MMP20: variants seen among roughly 807,000 people sequenced by gnomAD.
The protein encoded by MMP20 is matrix metallopeptidase 20.
Under a neutral mutation model 51.8 loss-of-function variants are expected in MMP20, and 50 were observed. That is an observed-to-expected ratio of 0.97 (90% CI 0.77 to 1.22). The LOEUF is 1.22. Ranked by LOEUF, MMP20 falls within the 50% of genes most tolerant of loss-of-function variation. The probability of loss-of-function intolerance (pLI) is 0.00; values close to 1 mark genes in which losing one functional copy is unlikely to be tolerated. For synonymous variants in MMP20, 244 were observed against 216.2 expected (o/e 1.13, Z -1.13); for missense variants, 663 against 601.4 (o/e 1.10, Z -1.07).
Position 102,594,589 on chromosome 11 carries a change from C to T in MMP20, c.1090+32G>A, listed in dbSNP as rs372904673. 45 of 1,612,364 alleles carry T rather than the reference C, an allele frequency of 2.8e-5. No individual in the cohort carries two copies. The African/African-American group carries it at 4.8e-4, about 17-fold the overall frequency. ...AAATGAATGGGGCACTGCAGCCCTG[C>T]CATTTCTTTCTTTGAGGGATCTGTA... On this transcript the variant is annotated intron_variant, in intron 7 of 9. Transcript: ENST00000260228.
At chr11:102,619,375 G>GAT (rs2135948200) in intron 1 of MMP20, among the ~76,000 whole-genome samples, 1 of 152,220 alleles carries the variant, frequency 6.6e-6, no homozygotes, top group South Asian at 2.1e-4. Flanking sequence ...TATAAGGGAA[G>GAT]ATGCTCATGA....
chr11:102,584,527 C>T (rs954854118), intron 8 of MMP20, among the ~76,000 whole-genome samples: 4 of 152,098 alleles, frequency 2.6e-5, no homozygotes, highest in Non-Finnish European at 5.9e-5. Context: ...GACACAAGTT[C>T]TTTATCAGAT....
Position 102,593,510 on chromosome 11 carries a change from C to T in MMP20, c.1176G>A (p.Gln392=), listed in dbSNP as rs752051781. 1 of 1,614,166 alleles carries T rather than the reference C, an allele frequency of 6.2e-7. No homozygotes were observed. The highest frequency in any genetic ancestry group is 1.1e-5 in the South Asian group (1 of 91,086). The change falls in exon 8 of 10, where the codon CAG becomes CAA. Residue 392 remains glutamine (Q), a synonymous_variant. Transcript: ENST00000260228. ...TGAGGTAGACAGCAGCATCTATTTG[C>T]TGCACGTGCCTTGGAAATCCAAAGT... ...IYDFGFPRHV[Q]QIDAAVYLRE...
At chr11:102,587,752 G>A (rs937113648) in intron 8 of MMP20, among the ~76,000 whole-genome samples, 3 of 152,036 alleles carry the variant, frequency 2.0e-5, no homozygotes, top group Admixed American at 6.5e-5. Flanking sequence ...CCTGATAATA[G>A]TATAGCCATT....
intron 3 of MMP20, among the ~76,000 whole-genome samples, chr11:102,610,435 A>C (rs1859583609): frequency 6.6e-6 from 1 of 152,194 alleles, no homozygotes; most frequent in African/African-American, 2.4e-5. Flanking sequence ...ACCTGTTAGC[A>C]GAATGACCTT....
intron 2 of MMP20, among the ~76,000 whole-genome samples, chr11:102,616,365 A>AG (rs1242621313): frequency 6.6e-6 from 1 of 152,206 alleles, no homozygotes; most frequent in Non-Finnish European, 1.5e-5. Context: ...CCCTAAGGTC[A>AG]AGAAAGTTGA....
intron 2 of MMP20, among the ~76,000 whole-genome samples, chr11:102,612,933 C>T (rs1859621890): frequency 6.6e-6 from 1 of 152,014 alleles, no homozygotes; most frequent in African/African-American, 2.4e-5. Context: ...GACGGGGTTT[C>T]ACCATGTTGG....
At chr11:102,619,750 A>G (rs1008218791) in intron 1 of MMP20, among the ~76,000 whole-genome samples, 2 of 151,818 alleles carry the variant, frequency 1.3e-5, no homozygotes, top group South Asian at 2.1e-4. Context: ...ATTTAAGATG[A>G]TGTATTTTTA....
intron 1 of MMP20, among the ~76,000 whole-genome samples, chr11:102,623,050 A>G (rs1410573758): frequency 6.6e-6 from 1 of 152,174 alleles, no homozygotes; most frequent in Non-Finnish European, 1.5e-5. Flanking sequence ...AGATGTGGAC[A>G]AGTTTCCCTG....
At chr11:102,615,759 C>T (rs116332803) in intron 2 of MMP20, among the ~76,000 whole-genome samples, 2,840 of 152,204 alleles carry the variant, frequency 0.019, 85 homozygotes, top group African/African-American at 0.063. Flanking sequence ...CCACTCTCTG[C>T]TGCTATATGC....
intron 6 of MMP20, among the ~76,000 whole-genome samples, chr11:102,601,502 A>G (rs1859446273): frequency 6.6e-6 from 1 of 151,844 alleles, no homozygotes; most frequent in South Asian, 2.1e-4. Context: ...CTTTTCTTCT[A>G]TTTCCTAGGC....
rs76853724 is a variant in MMP20 at position 102,617,113 on chromosome 11, T to C, written c.127-54A>G. 2,913 of 1,609,678 alleles carry C rather than the reference T, an allele frequency of 1.8e-3. 49 individuals are homozygous for C. The African/African-American group carries it at 0.035, about 19-fold the overall frequency. On this transcript the variant is annotated intron_variant, in intron 1 of 9. Transcript: ENST00000260228. ...TACAGCGTAGTCTGGGAAATACTCA[T>C]GCTCAGGTAAGGCAGGGGACAGCAT...
intron 6 of MMP20, among the ~76,000 whole-genome samples, chr11:102,605,036 C>T (rs1859496526): frequency 6.6e-6 from 1 of 152,300 alleles, no homozygotes; most frequent in South Asian, 2.1e-4. Context: ...GTATTACCTT[C>T]AAGAAGTAAT....
intron 7 of MMP20, 54 bp downstream of exon 7, chr11:102,594,567 T>C (rs988508060): frequency 5.6e-6 from 9 of 1,607,828 alleles, no homozygotes; most frequent in Middle Eastern, 2.0e-4. Context: ...ATATGCCAAA[T>C]GAATGGGGCA....
Position 102,608,929 on chromosome 11 carries a change from A to G in MMP20, c.811+8T>C, listed in dbSNP as rs373286152. Reference sequence around the variant, plus strand: ...AGGGTGAGTCATCAAAGAAGGTAATAATCTTACCGTATAATGCCTGGATCC... The same window carrying G: ...AGGGTGAGTCATCAAAGAAGGTAATGATCTTACCGTATAATGCCTGGATCC... On this transcript the variant is annotated splice_region_variant and intron_variant, in intron 5 of 9. Coordinates refer to ENST00000260228, the MANE Select transcript of MMP20 (RefSeq NM_004771.4). 1 of 1,613,774 alleles carries G rather than the reference A, an allele frequency of 6.2e-7. No homozygotes were observed. Among genetic ancestry groups the G allele is most frequent in the African/African-American group, 1.3e-5 (1 of 74,920 alleles).
chr11:102,605,026 G>A (rs1859496448), intron 6 of MMP20, among the ~76,000 whole-genome samples: 1 of 152,212 alleles, frequency 6.6e-6, no homozygotes, highest in East Asian at 1.9e-4. Flanking sequence ...CAATGGGATG[G>A]TATTACCTTC....
chr11:102,580,565 T>G (rs1859180804), intron 8 of MMP20, among the ~76,000 whole-genome samples: 1 of 152,220 alleles, frequency 6.6e-6, no homozygotes, highest in Non-Finnish European at 1.5e-5. Context: ...CTGAGCTGCT[T>G]TACAGAATGT....
At chr11:102,595,768 G>A (rs1297184545) in intron 6 of MMP20, among the ~76,000 whole-genome samples, 1 of 152,048 alleles carries the variant, frequency 6.6e-6, no homozygotes, top group Non-Finnish European at 1.5e-5. Context: ...TACCCATGAG[G>A]GTACTGGATT....
chr11:102,612,816 A>T (rs1300590979), intron 2 of MMP20, among the ~76,000 whole-genome samples: 2 of 145,580 alleles, frequency 1.4e-5, no homozygotes, highest in African/African-American at 5.1e-5. Flanking sequence ...TGCTCACTGC[A>T]ACCACTGCCT....
Sources: gnomAD v4.1 joint callset for allele counts (sites outside exome capture counted in the v4.1 genomes callset) on GRCh38, gnomAD v4.1.1 for gene constraint, MANE v1.5 for transcripts, NCBI Gene and HGNC (gene_info 2026-07-23, HGNC 2026-07-21) for gene names.